TMEM184C: variants seen among roughly 807,000 people sequenced by gnomAD.
The protein encoded by TMEM184C is transmembrane protein 34.
Under a neutral mutation model 54.5 loss-of-function variants are expected in TMEM184C, and 25 were observed. That is an observed-to-expected ratio of 0.46 (90% CI 0.33 to 0.64). The LOEUF (loss-of-function observed/expected upper bound fraction) is 0.64, where lower values mean the gene tolerates loss of function less well. TMEM184C is among the 30% of genes least tolerant of loss of function. TMEM184C has a pLI of 0.02. For missense variants in TMEM184C, 335 were observed against 520.3 expected (o/e 0.64, Z 3.46); for synonymous variants, 148 against 181.5 (o/e 0.82, Z 1.49).
At chr4:147,624,196 G>A in intron 3 of TMEM184C, 98 bp downstream of exon 3, 1 of 1,039,080 alleles carries the variant, frequency 9.6e-7, no homozygotes, top group Non-Finnish European at 1.4e-6. Context: ...TATTGACAAG[G>A]AGTCAGATTA....
Position 147,617,737 on chromosome 4 carries a change from A to C in TMEM184C, c.-220A>C, listed in dbSNP as rs1283932032. The C allele has an allele frequency of 5.5e-6, 3 of 542,700 alleles. No individual in the cohort carries two copies. Among genetic ancestry groups the C allele is most frequent in the African/African-American group, 1.9e-5 (1 of 52,684 alleles). 33.6% of individuals were successfully genotyped at this position (542,700 alleles called of 1,614,324 possible). A position where few individuals can be genotyped will look rare whatever the true frequency, so the allele number is the denominator to read the frequency against. On this transcript the variant is annotated 5_prime_UTR_variant, in exon 1 of 10. Transcript: ENST00000296582. ...GTGGAGAAGAAAGGATGTTGCCTGC[A>C]CTGCTCGCCAATAGCACCCTGAGAG...
At chr4:147,625,154 G>C in intron 4 of TMEM184C, 145 bp downstream of exon 4, 1 of 720,316 alleles carries the variant, frequency 1.4e-6, no homozygotes, top group Non-Finnish European at 2.2e-6. Context: ...GCAGTTCATA[G>C]TTGTTTGAAG....
intron 5 of TMEM184C, among the ~76,000 whole-genome samples, chr4:147,629,361 T>C (rs79324372): frequency 0.035 from 5,319 of 152,110 alleles, 229 homozygotes; most frequent in East Asian, 0.22. Context: ...TGAAGGAATA[T>C]AGTAATATTT....
intron 6 of TMEM184C, among the ~76,000 whole-genome samples, chr4:147,630,868 AAGTT>A (rs1009427418): frequency 3.9e-5 from 6 of 152,102 alleles, no homozygotes; most frequent in Middle Eastern, 3.2e-3. Flanking sequence ...GATTTCTAAA[AAGTT>A]AGTAAGTCTT....
In TMEM184C at chr4:147,624,933, G is replaced by A. The variant is rs377518448; in HGVS notation, c.421G>A (p.Val141Ile). The A allele has an allele frequency of 4.5e-5, 73 of 1,613,780 alleles. No individual in the cohort carries two copies. The highest frequency in any genetic ancestry group is 1.6e-4 in the Middle Eastern group (1 of 6,080). ...TCTAACTAACCGGTATCCAAATCTG[G>A]TATTAATCCTTGAAGCCAAAGATCA... Reference protein sequence around the residue: ...NYLTNRYPNLVLILEAKDQQK... With the variant: ...NYLTNRYPNLILILEAKDQQK... The change falls in exon 4 of 10, where the codon GTA (valine) becomes ATA (isoleucine). Residue 141 changes from valine (V) to isoleucine (I), a missense_variant. By Grantham distance (29) the Val-to-Ile change is conservative. Transcript: ENST00000296582.
intron 1 of TMEM184C, among the ~76,000 whole-genome samples, chr4:147,621,985 C>CT (rs199693141): frequency 0.089 from 4,755 of 53,168 alleles, 196 homozygotes; most frequent in East Asian, 0.42. Context: ...TTCTTTTTTT[C>CT]TTTCTTTTTT....
chr4:147,623,412 G>A (rs1004115384), intron 1 of TMEM184C, among the ~76,000 whole-genome samples: 8 of 150,650 alleles, frequency 5.3e-5, no homozygotes, highest in Non-Finnish European at 1.2e-4. Flanking sequence ...TCCAGCCTGG[G>A]CAACAGAGCA....
At chr4:147,628,700 C>T (rs1732858594) in intron 5 of TMEM184C, among the ~76,000 whole-genome samples, 1 of 152,060 alleles carries the variant, frequency 6.6e-6, no homozygotes, top group Admixed American at 6.5e-5. Flanking sequence ...AAAATACCTT[C>T]TTTTTCAGAT....
At chr4:147,623,726 C>T (rs746053222) in intron 1 of TMEM184C, 108 bp from the exon 2 acceptor site, 1 of 1,067,664 alleles carries the variant, frequency 9.4e-7, no homozygotes. Context: ...GATCCTCCCA[C>T]CTCGGCCTCC....
chr4:147,623,688 G>A, intron 1 of TMEM184C, 146 bp from the exon 2 acceptor site: 1 of 640,304 alleles, frequency 1.6e-6, no homozygotes, highest in Non-Finnish European at 2.6e-6. Flanking sequence ...TGTAGGCCCA[G>A]GCTGGTTTCA....
At chr4:147,618,142 G>T in intron 1 of TMEM184C, 63 bp downstream of exon 1, 2 of 1,606,998 alleles carry the variant, frequency 1.2e-6, no homozygotes, top group Non-Finnish European at 1.7e-6. Context: ...TTGGGAAAGA[G>T]ACACCCTTAC....
intron 1 of TMEM184C, among the ~76,000 whole-genome samples, chr4:147,623,569 A>T (rs966357255): frequency 7.1e-6 from 1 of 140,646 alleles, no homozygotes; most frequent in African/African-American, 2.7e-5. Flanking sequence ...AAAAAAAAAG[A>T]TTCATACTCT....
chr4:147,628,935 A>T (rs1732862274), intron 5 of TMEM184C, among the ~76,000 whole-genome samples: 1 of 152,204 alleles, frequency 6.6e-6, no homozygotes, highest in East Asian at 1.9e-4. Flanking sequence ...AACATCAAAT[A>T]CTTTAATGCC....
intron 6 of TMEM184C, among the ~76,000 whole-genome samples, chr4:147,630,467 T>C (rs1177765821): frequency 2.6e-5 from 4 of 152,074 alleles, no homozygotes; most frequent in African/African-American, 9.7e-5. Context: ...AGTATCTTTG[T>C]ATATAAAGCC....
chr4:147,634,244 TATC>T lies in TMEM184C; in HGVS notation c.1138_1140del (p.Ser380del), dbSNP rs764114016. ...GATCAAAATGAACATACAAGTTTAT[TATC>T]ATCATCATCACAAGATGCAATTTCC... On this transcript the variant is annotated inframe_deletion, in exon 10 of 10. Transcript: ENST00000296582. 8 of 1,614,038 alleles carry T rather than the reference TATC, an allele frequency of 5.0e-6. No individual in the cohort carries two copies. Among genetic ancestry groups the T allele is most frequent in the African/African-American group, 4.0e-5 (3 of 74,910 alleles).
intron 1 of TMEM184C, among the ~76,000 whole-genome samples, chr4:147,619,439 C>T (rs956628390): frequency 1.3e-5 from 2 of 152,056 alleles, no homozygotes; most frequent in Non-Finnish European, 2.9e-5. Context: ...TTGTGATCCA[C>T]CCACCTCGGC....
intron 7 of TMEM184C, 49 bp from the exon 8 acceptor site, chr4:147,632,854 C>A (rs765557194): frequency 6.5e-7 from 1 of 1,538,008 alleles, no homozygotes; most frequent in Non-Finnish European, 8.9e-7. Context: ...AACTACTGCT[C>A]ATTTTATGCT....
chr4:147,624,767 A>G (rs1434300248), intron 3 of TMEM184C, 37 bp from the exon 4 acceptor site: 1 of 1,594,946 alleles, frequency 6.3e-7, no homozygotes, highest in East Asian at 2.2e-5. Context: ...ATTTTATCTT[A>G]GCTGCAACTA....
chr4:147,623,711 C>G (rs888481137), intron 1 of TMEM184C, 123 bp from the exon 2 acceptor site: 2 of 852,316 alleles, frequency 2.3e-6, no homozygotes, highest in African/African-American at 1.7e-5. Flanking sequence ...CTCCTGGCCT[C>G]AAGCGATCCT....
Sources: gnomAD v4.1 joint callset for allele counts (sites outside exome capture counted in the v4.1 genomes callset) on GRCh38, gnomAD v4.1.1 for gene constraint, MANE v1.5 for transcripts, NCBI Gene and HGNC (gene_info 2026-07-23, HGNC 2026-07-21) for gene names.